The following ABTB2 variants were observed in gnomAD, a reference collection of about 807,000 sequenced individuals.
ABTB2 encodes the protein ankyrin repeat and BTB/POZ domain-containing protein 2.
ABTB2 carries 56 observed loss-of-function variants against 104.1 expected under a neutral mutation model. That is an observed-to-expected ratio of 0.54 (90% confidence interval 0.43 to 0.67). The LOEUF (loss-of-function observed/expected upper bound fraction) is 0.67. ABTB2 is among the 30% of genes least tolerant of loss of function. ABTB2 has a pLI of 0.00. For missense variants in ABTB2, 1,279 were observed against 1,407.7 expected, an observed-to-expected ratio of 0.91 and a Z score of 1.46; for synonymous variants, 606 against 608.2, an observed-to-expected ratio of 1.00 and a Z score of 0.05.
intron 1 of ABTB2, among the ~76,000 whole-genome samples, chr11:34,228,754 A>G (rs1853720586): frequency 6.6e-6 from 1 of 152,136 alleles, no homozygotes; most frequent in African/African-American, 2.4e-5. Context: ...CCAGTGGTGT[A>G]TGAAGGCTCC....
chr11:34,297,776 A>T (rs1181932848), intron 1 of ABTB2, among the ~76,000 whole-genome samples: 1 of 72,794 alleles, frequency 1.4e-5, no homozygotes, highest in Non-Finnish European at 2.3e-5. Flanking sequence ...CAAAAAAAAA[A>T]AAAAAAAATA....
chr11:34,239,337 C>G (rs1473079965), intron 1 of ABTB2, among the ~76,000 whole-genome samples: 1 of 152,046 alleles, frequency 6.6e-6, no homozygotes, highest in Admixed American at 6.6e-5. Flanking sequence ...ATGCTGCTGT[C>G]TTTTTTTAAA....
intron 1 of ABTB2, among the ~76,000 whole-genome samples, chr11:34,265,526 G>A (rs1470572220): frequency 1.3e-5 from 2 of 152,002 alleles, no homozygotes; most frequent in East Asian, 1.9e-4. Flanking sequence ...CAGGCGTGGC[G>A]GTACATGCCT....
chr11:34,347,600 G>A (rs953173017), intron 1 of ABTB2, among the ~76,000 whole-genome samples: 3 of 152,132 alleles, frequency 2.0e-5, no homozygotes, highest in Admixed American at 6.5e-5. Context: ...GAAAAAGACC[G>A]ACACCTGAGT....
chr11:34,163,260 C>T (rs1181094081), intron 9 of ABTB2, among the ~76,000 whole-genome samples: 5 of 152,146 alleles, frequency 3.3e-5, no homozygotes, highest in Non-Finnish European at 7.4e-5. Flanking sequence ...TGACTATGCA[C>T]GTGAAAGTGT....
intron 2 of ABTB2, among the ~76,000 whole-genome samples, chr11:34,200,846 A>G (rs1294249008): frequency 4.6e-5 from 7 of 152,162 alleles, no homozygotes; most frequent in Non-Finnish European, 1.0e-4. Context: ...CATGGCTGCT[A>G]CTAAAAGTGT....
intron 1 of ABTB2, among the ~76,000 whole-genome samples, chr11:34,241,766 A>G (rs1415291250): frequency 6.6e-6 from 1 of 152,226 alleles, no homozygotes; most frequent in Non-Finnish European, 1.5e-5. Flanking sequence ...CCCATCTTGT[A>G]TTCACCTTTA....
At chr11:34,343,693 C>T (rs538152557) in intron 1 of ABTB2, among the ~76,000 whole-genome samples, 4 of 151,842 alleles carry the variant, frequency 2.6e-5, no homozygotes, top group Non-Finnish European at 2.9e-5. Flanking sequence ...AGGCTGGTCT[C>T]GAACTCCTGG....
At chr11:34,304,186 T>G (rs376597452) in intron 1 of ABTB2, among the ~76,000 whole-genome samples, 2 of 152,196 alleles carry the variant, frequency 1.3e-5, no homozygotes, top group African/African-American at 4.8e-5. Context: ...ACATGGTATA[T>G]CTAGAGCTCA....
intron 1 of ABTB2, among the ~76,000 whole-genome samples, chr11:34,276,707 G>C (rs1449928917): frequency 6.6e-6 from 1 of 152,232 alleles, no homozygotes; most frequent in African/African-American, 2.4e-5. Flanking sequence ...CAGAAGACAA[G>C]GGGAGAGAGG....
At chr11:34,266,776 C>G (rs555151042) in intron 1 of ABTB2, among the ~76,000 whole-genome samples, 1 of 152,112 alleles carries the variant, frequency 6.6e-6, no homozygotes, top group African/African-American at 2.4e-5. Flanking sequence ...CCCCCTCCCC[C>G]ACCCCCTGTG....
intron 1 of ABTB2, among the ~76,000 whole-genome samples, chr11:34,292,395 G>A (rs1450085362): frequency 1.3e-5 from 2 of 151,156 alleles, no homozygotes; most frequent in African/African-American, 4.9e-5. Flanking sequence ...AGTTTTCCTC[G>A]GGTTCTTTTA....
At chr11:34,223,364 G>A (rs866728396) in intron 1 of ABTB2, among the ~76,000 whole-genome samples, 2 of 152,152 alleles carry the variant, frequency 1.3e-5, no homozygotes, top group Non-Finnish European at 2.9e-5. Context: ...GAGGAAGTCT[G>A]TACCCCAAAA....
intron 1 of ABTB2, among the ~76,000 whole-genome samples, chr11:34,248,096 TAAAAA>T (rs1157412906): frequency 8.6e-6 from 1 of 116,234 alleles, no homozygotes; most frequent in Admixed American, 9.7e-5. Context: ...TAATTTTTCT[TAAAAA>T]AAAAAAAAAA....
At chr11:34,348,055 G>A (rs910025904) in intron 1 of ABTB2, among the ~76,000 whole-genome samples, 8 of 152,296 alleles carry the variant, frequency 5.3e-5, no homozygotes, top group Middle Eastern at 3.4e-3. Flanking sequence ...TCAGGGCCAC[G>A]GAAGAAATGC....
chr11:34,177,090 G>A (rs912154503), intron 3 of ABTB2, among the ~76,000 whole-genome samples: 6 of 152,146 alleles, frequency 3.9e-5, no homozygotes, highest in South Asian at 2.1e-4. Flanking sequence ...AAGATAATCC[G>A]TGGATTTGCC....
Position 34,154,549 on chromosome 11 carries a change from TG to T in ABTB2, c.2766+151del. The T allele has an allele frequency of 1.1e-6, 1 of 869,678 alleles. No homozygotes were observed. The highest frequency in any genetic ancestry group is 1.6e-5 in the South Asian group (1 of 63,820). The allele number at this position is 869,678 out of a possible 1,614,324, so 53.9% of individuals were successfully genotyped here. On this transcript the variant is annotated intron_variant, in intron 15 of 16. Coordinates refer to ENST00000435224, the MANE Select transcript of ABTB2 (RefSeq NM_145804.3). The surrounding 1 kb of genome is among the most constrained non-coding windows in gnomAD (Gnocchi z 4.9). ...TCCCCGCTGGGACACGCACTGAGGCTGGGCTCAGTGGTGTGCACAGTTCCTC... is the reference window on the plus strand; with the variant it reads ...TCCCCGCTGGGACACGCACTGAGGCTGGCTCAGTGGTGTGCACAGTTCCTC...
intron 1 of ABTB2, among the ~76,000 whole-genome samples, chr11:34,345,510 C>T (rs1433039765): frequency 6.6e-6 from 1 of 152,176 alleles, no homozygotes; most frequent in Non-Finnish European, 1.5e-5. Context: ...CCTGGCCTCT[C>T]CCCTACACAG....
chr11:34,254,218 G>T (rs1221573361), intron 1 of ABTB2, among the ~76,000 whole-genome samples: 1 of 152,014 alleles, frequency 6.6e-6, no homozygotes, highest in Non-Finnish European at 1.5e-5. Flanking sequence ...ATAAACTCGT[G>T]TTCTTTCTGA....
Sources: allele counts gnomAD v4.1 joint callset (sites outside exome capture counted in the v4.1 genomes callset), GRCh38; gene constraint gnomAD v4.1.1; non-coding constraint Gnocchi (gnomAD v3.1); transcripts MANE v1.5; gene names NCBI Gene and HGNC (gene_info 2026-07-23, HGNC 2026-07-21).